ASIC2: variants seen among roughly 807,000 people sequenced by gnomAD.
ASIC2 encodes the protein acid-sensing ion channel 2.
In ASIC2, 25 loss-of-function variants were observed where a neutral mutation model predicts 57.3. That is an observed-to-expected ratio of 0.44 (90% CI 0.32 to 0.61). ASIC2 has a LOEUF of 0.61. Ranked by LOEUF, ASIC2 falls within the 20% of genes least tolerant of loss-of-function variation. The pLI is 0.06. For missense variants in ASIC2, 641 were observed against 738.1 expected (o/e 0.87, Z 1.52); for synonymous variants, 319 against 307.5 (o/e 1.04, Z -0.39).
intron 1 of ASIC2, among the ~76,000 whole-genome samples, chr17:33,852,252 CCTT>C (rs1379182930): frequency 6.6e-6 from 1 of 152,242 alleles, no homozygotes; most frequent in Non-Finnish European, 1.5e-5. Context: ...GCAGTTCACT[CCTT>C]CTTGAATCTT....
At chr17:34,097,239 A>T (rs547844364) in intron 1 of ASIC2, among the ~76,000 whole-genome samples, 1 of 152,312 alleles carries the variant, frequency 6.6e-6, no homozygotes, top group South Asian at 2.1e-4. Context: ...AAAGCTTCCA[A>T]CTAGTTAGAA....
chr17:33,897,760 G>A (rs1303744571), intron 1 of ASIC2, among the ~76,000 whole-genome samples: 80 of 152,306 alleles, frequency 5.3e-4, no homozygotes, highest in Non-Finnish European at 1.0e-4. Context: ...CAGGGATCAG[G>A]TGGAGCCTAT....
At chr17:33,981,619 G>A (rs890674293) in intron 1 of ASIC2, among the ~76,000 whole-genome samples, 7 of 151,482 alleles carry the variant, frequency 4.6e-5, no homozygotes, top group Non-Finnish European at 7.4e-5. Flanking sequence ...AAGAAAGAAG[G>A]AAGGGAGAGA....
intron 3 of ASIC2, chr17:33,052,055 T>C (rs1288784430): frequency 6.6e-6 from 1 of 152,182 alleles, no homozygotes; most frequent in Non-Finnish European, 1.5e-5. Context: ...TGGGAGCCAC[T>C]GACTGCTAGA....
chr17:33,138,477 C>T (rs1448611189), intron 1 of ASIC2, among the ~76,000 whole-genome samples: 2 of 152,198 alleles, frequency 1.3e-5, no homozygotes, highest in Non-Finnish European at 2.9e-5. Flanking sequence ...AACACACATC[C>T]CTTGCTCACT....
At chr17:33,468,285 G>A (rs759770368) in intron 1 of ASIC2, among the ~76,000 whole-genome samples, 6 of 152,252 alleles carry the variant, frequency 3.9e-5, no homozygotes, top group Middle Eastern at 3.4e-3. Context: ...AGATGATGGC[G>A]GTGGTTGAGG....
intron 1 of ASIC2, among the ~76,000 whole-genome samples, chr17:33,183,530 A>G (rs1410598153): frequency 1.3e-5 from 2 of 152,252 alleles, no homozygotes; most frequent in Non-Finnish European, 2.9e-5. Flanking sequence ...TACTGGTTTT[A>G]AAAGGATTTA....
intron 1 of ASIC2, among the ~76,000 whole-genome samples, chr17:33,564,892 G>A (rs1402712359): frequency 6.6e-6 from 1 of 152,222 alleles, no homozygotes; most frequent in Non-Finnish European, 1.5e-5. Context: ...TGCTCCTGCT[G>A]CAGTTAACTA....
chr17:33,271,123 C>T (rs1379484310), intron 1 of ASIC2, among the ~76,000 whole-genome samples: 4 of 152,294 alleles, frequency 2.6e-5, no homozygotes, highest in South Asian at 4.1e-4. Context: ...GAGCTGACCA[C>T]GCCCCATTTG....
intron 3 of ASIC2, among the ~76,000 whole-genome samples, chr17:33,030,194 G>A (rs1272368791): frequency 6.6e-6 from 1 of 152,124 alleles, no homozygotes; most frequent in Non-Finnish European, 1.5e-5. Flanking sequence ...CTTTAGAAGT[G>A]TATACACCCT....
At chr17:33,399,802 C>A (rs2141957862) in intron 1 of ASIC2, among the ~76,000 whole-genome samples, 1 of 152,234 alleles carries the variant, frequency 6.6e-6, no homozygotes, top group East Asian at 1.9e-4. Flanking sequence ...TGTGTGTGTG[C>A]ACCATGGTAG....
chr17:33,085,079 C>A (rs2092129544), intron 3 of ASIC2, among the ~76,000 whole-genome samples: 1 of 152,190 alleles, frequency 6.6e-6, no homozygotes, highest in African/African-American at 2.4e-5. Flanking sequence ...CTTTAAGTCA[C>A]TAGTTCCTCT....
intron 1 of ASIC2, among the ~76,000 whole-genome samples, chr17:33,928,826 C>T (rs1299282612): frequency 6.6e-6 from 1 of 152,088 alleles, no homozygotes; most frequent in Non-Finnish European, 1.5e-5. Context: ...AGGGACTAAC[C>T]AGGCAAAATA....
chr17:33,370,073 T>C (rs144757403), intron 1 of ASIC2, among the ~76,000 whole-genome samples: 1 of 152,236 alleles, frequency 6.6e-6, no homozygotes, highest in African/African-American at 2.4e-5. Context: ...AGATGACTAT[T>C]TCCAGTGCCT....
At chr17:33,139,254 C>A (rs114366891) in intron 1 of ASIC2, among the ~76,000 whole-genome samples, 1 of 152,158 alleles carries the variant, frequency 6.6e-6, no homozygotes, top group African/African-American at 2.4e-5. Context: ...CCTGTTATCT[C>A]TCTTGGACTT....
At chr17:33,392,112 T>G (rs1909912200) in intron 1 of ASIC2, among the ~76,000 whole-genome samples, 1 of 152,188 alleles carries the variant, frequency 6.6e-6, no homozygotes, top group African/African-American at 2.4e-5. Flanking sequence ...CTCTAACACC[T>G]CTATGTCTTT....
chr17:33,595,680 C>T (rs992101000), intron 1 of ASIC2, among the ~76,000 whole-genome samples: 3 of 152,248 alleles, frequency 2.0e-5, no homozygotes, highest in Non-Finnish European at 4.4e-5. Flanking sequence ...TACTCAGCAT[C>T]CCTGAGCTTC....
chr17:33,394,523 G>T (rs1185931736), intron 1 of ASIC2, among the ~76,000 whole-genome samples: 1 of 152,210 alleles, frequency 6.6e-6, no homozygotes, highest in African/African-American at 2.4e-5. Context: ...AGGAAATACA[G>T]TGGTCAAGGT....
chr17:34,107,549 C>CAGTT (rs1455028185), intron 1 of ASIC2, among the ~76,000 whole-genome samples: 1 of 152,076 alleles, frequency 6.6e-6, no homozygotes, highest in Non-Finnish European at 1.5e-5. Context: ...CTCTTTTGTT[C>CAGTT]AGTTCTACAG....
Sources: gnomAD v4.1 joint callset for allele counts (sites outside exome capture counted in the v4.1 genomes callset) on GRCh38, gnomAD v4.1.1 for gene constraint, MANE v1.5 for transcripts, NCBI Gene and HGNC (gene_info 2026-07-23, HGNC 2026-07-21) for gene names.